The following TENT2 variants were observed in gnomAD, a reference collection of about 807,000 sequenced individuals.
The protein encoded by TENT2 is terminal nucleotidyltransferase 2, also known as poly(A) RNA polymerase GLD2.
TENT2 carries 44 observed loss-of-function variants against 72.2 expected under a neutral mutation model. That is an observed-to-expected ratio of 0.61 (90% CI 0.48 to 0.78). The LOEUF is 0.78. Ranked by LOEUF, TENT2 falls within the 30% of genes least tolerant of loss-of-function variation. The pLI, the probability that TENT2 is intolerant of heterozygous loss-of-function variation, is 0.00. For synonymous variants in TENT2, 212 were observed against 192.5 expected, an observed-to-expected ratio of 1.10 and a Z score of -0.84; for missense variants, 541 against 569.6, an observed-to-expected ratio of 0.95 and a Z score of 0.51.
intron 10 of TENT2, 55 bp downstream of exon 10, chr5:79,649,245 G>GGTGTC: frequency 6.5e-7 from 1 of 1,528,460 alleles, no homozygotes; most frequent in African/African-American, 1.4e-5. Context: ...GCTTTATTAT[G>GGTGTC]GTGTCTTCTC....
At chr5:79,658,561 A>G (rs1237909688) in intron 11 of TENT2, among the ~76,000 whole-genome samples, 1 of 152,182 alleles carries the variant, frequency 6.6e-6, no homozygotes, top group Non-Finnish European at 1.5e-5. Flanking sequence ...CTGAAAGGTC[A>G]TATTTCATTT....
At chr5:79,623,006 G>A (rs1242198631) in intron 3 of TENT2, among the ~76,000 whole-genome samples, 1 of 152,028 alleles carries the variant, frequency 6.6e-6, no homozygotes, top group Non-Finnish European at 1.5e-5. Context: ...AAATACAGGA[G>A]ACTAACCTCA....
In TENT2 at chr5:79,641,695, A is replaced by G. The variant is rs544239824; in HGVS notation, c.672+499A>G. ...TTTAAAATATTTTTCTCTATGAATG[A>G]CATTTTGCCTTTGTTTTTTTTTCTT... On this transcript the variant is annotated intron_variant, in intron 6 of 14. Transcript: ENST00000453514. 2.0e-5 allele frequency among the ~76,000 whole-genome samples: 3 copies of G among 148,334 alleles called. No homozygotes were observed. In the South Asian group the frequency reaches 6.3e-4, roughly 31 times the overall value.
chr5:79,656,080 T>C (rs919898079), intron 10 of TENT2, among the ~76,000 whole-genome samples: 17 of 152,014 alleles, frequency 1.1e-4, no homozygotes, highest in Non-Finnish European at 1.6e-4. Flanking sequence ...GTATTCCTAA[T>C]TCTTAAATCC....
At chr5:79,615,261 G>A (rs1195975351) in intron 1 of TENT2, 3 of 152,206 alleles carry the variant, frequency 2.0e-5, no homozygotes, top group African/African-American at 7.2e-5. Flanking sequence ...GGCTGTGTAA[G>A]AGATGAAAAC....
intron 6 of TENT2, among the ~76,000 whole-genome samples, chr5:79,642,092 A>G (rs1285618367): frequency 3.3e-5 from 5 of 152,096 alleles, no homozygotes; most frequent in Admixed American, 6.5e-5. Flanking sequence ...ACTACCAATG[A>G]TTAATTAAGC....
rs907544780 is a variant in TENT2 at position 79,612,824 on chromosome 5, C to G, written c.-289C>G. The G allele has an allele frequency of 6.6e-6, 1 of 152,334 alleles. No homozygotes were observed. Among genetic ancestry groups the G allele is most frequent in the East Asian group, 1.9e-4 (1 of 5,196 alleles). 9.4% of individuals were successfully genotyped at this position (152,334 alleles called of 1,614,324 possible). A position where few individuals can be genotyped will look rare whatever the true frequency, so the allele number is the denominator to read the frequency against. ...CAGCAGTGTAGGCCCAGGTCGGCGG[C>G]GGGGCACGGGAAACTTTTCCGAAAC... On this transcript the variant is annotated 5_prime_UTR_variant, in exon 1 of 15. Coordinates refer to ENST00000453514, the MANE Select transcript of TENT2 (RefSeq NM_001114394.3).
intron 6 of TENT2, among the ~76,000 whole-genome samples, 193 bp downstream of exon 6, chr5:79,641,389 A>T (rs1359591933): frequency 6.6e-6 from 1 of 150,822 alleles, no homozygotes; most frequent in African/African-American, 2.4e-5. Context: ...TAGGAAGTAT[A>T]GCATTAATTT....
chr5:79,651,925 T>C (rs1255923088), intron 10 of TENT2, among the ~76,000 whole-genome samples: 1 of 152,160 alleles, frequency 6.6e-6, no homozygotes, highest in Non-Finnish European at 1.5e-5. Context: ...TTATACTCTG[T>C]CCTGTTACTT....
chr5:79,671,519 C>G (rs898828326), intron 12 of TENT2, among the ~76,000 whole-genome samples: 1 of 151,896 alleles, frequency 6.6e-6, no homozygotes, highest in Non-Finnish European at 1.5e-5. Context: ...ATTCTCCTGC[C>G]TCAGCCTCCT....
chr5:79,626,347 G>A (rs774035281), intron 4 of TENT2, among the ~76,000 whole-genome samples: 169 of 144,426 alleles, frequency 1.2e-3, no homozygotes, highest in Middle Eastern at 3.6e-3. Flanking sequence ...TCACTCTGTC[G>A]CCCAGGCTGG....
intron 8 of TENT2, among the ~76,000 whole-genome samples, chr5:79,648,330 T>A (rs1026633124): frequency 2.0e-5 from 3 of 152,130 alleles, no homozygotes; most frequent in African/African-American, 4.8e-5. Context: ...AAAAAAGATT[T>A]AAAAATTTTA....
At chr5:79,670,285 C>T (rs116836255) in intron 12 of TENT2, among the ~76,000 whole-genome samples, 5,949 of 151,434 alleles carry the variant, frequency 0.039, 184 homozygotes, top group Admixed American at 0.075. Flanking sequence ...AACTGTCATA[C>T]TGGAGAAGTA....
At chr5:79,634,021 T>C (rs1311661935) in intron 4 of TENT2, among the ~76,000 whole-genome samples, 1 of 147,026 alleles carries the variant, frequency 6.8e-6, no homozygotes, top group Non-Finnish European at 1.5e-5. Context: ...AAAAAAAAAT[T>C]AGCTGGACCT....
chr5:79,669,169 G>A, intron 12 of TENT2, 141 bp downstream of exon 12: 1 of 1,016,690 alleles, frequency 9.8e-7, no homozygotes, highest in Non-Finnish European at 1.4e-6. Context: ...TTGTAAAGTT[G>A]TCCAGAAATG....
At chr5:79,667,530 C>T (rs1294797084) in intron 11 of TENT2, among the ~76,000 whole-genome samples, 1 of 151,998 alleles carries the variant, frequency 6.6e-6, no homozygotes, top group East Asian at 1.9e-4. Flanking sequence ...AAAATTTCTA[C>T]TTGAATCTTA....
At chr5:79,684,656 TAA>T (rs1825189298) in intron 14 of TENT2, among the ~76,000 whole-genome samples, 7 of 152,238 alleles carry the variant, frequency 4.6e-5, no homozygotes, top group African/African-American at 1.7e-4. Flanking sequence ...GGTTTTGTCT[TAA>T]TTACCTTGCT....
intron 6 of TENT2, 50 bp downstream of exon 6, chr5:79,641,246 A>C (rs944582975): frequency 1.3e-5 from 19 of 1,443,342 alleles, no homozygotes; most frequent in Non-Finnish European, 1.6e-5. Flanking sequence ...TTAATGAGTT[A>C]AGAAATTTTA....
In TENT2 at chr5:79,623,400, G is replaced by A. The variant is rs148572929; in HGVS notation, c.376G>A (p.Val126Ile). 6.6e-5 allele frequency: 106 copies of A among 1,613,228 alleles called. No individual in the cohort carries two copies. The highest frequency in any genetic ancestry group is 8.6e-5 in the Non-Finnish European group (101 of 1,179,614). ...GCCACCATTGTTTCATACACATTAT[G>A]TACCAGATATAGTCAGATGTGTTCC... ...SMPPLFHTHYVPDIVRCVPPF... is the reference protein window; with the variant it reads ...SMPPLFHTHYIPDIVRCVPPF... The change falls in exon 4 of 15, where the codon GTA (valine) becomes ATA (isoleucine). Residue 126 changes from valine to isoleucine, a missense_variant. Val to Ile is a conservative substitution (Grantham distance 29). Coordinates refer to ENST00000453514, the MANE Select transcript of TENT2 (RefSeq NM_001114394.3).
Sources: allele counts gnomAD v4.1 joint callset (sites outside exome capture counted in the v4.1 genomes callset), GRCh38; gene constraint gnomAD v4.1.1; transcripts MANE v1.5; gene names NCBI Gene and HGNC (gene_info 2026-07-23, HGNC 2026-07-21).